Variants in KPNA5 observed in about 807,000 individuals in gnomAD.
KPNA5 encodes the protein karyopherin subunit alpha 5.
KPNA5 carries 46 observed loss-of-function variants against 71.3 expected under a neutral mutation model. That is an observed-to-expected ratio of 0.65 (90% CI 0.51 to 0.83). The LOEUF (loss-of-function observed/expected upper bound fraction) is 0.83, where lower values mean the gene tolerates loss of function less well. Ranked by LOEUF, KPNA5 falls within the 40% of genes least tolerant of loss-of-function variation. The pLI, the probability that KPNA5 is intolerant of heterozygous loss-of-function variation, is 0.00. For synonymous variants in KPNA5, 207 were observed against 201.4 expected (o/e 1.03, Z -0.24); for missense variants, 547 against 628.3 (o/e 0.87, Z 1.38).
intron 5 of KPNA5, 21 bp from the exon 6 acceptor site, chr6:116,701,998 T>G: frequency 1.3e-6 from 2 of 1,598,956 alleles, no homozygotes; most frequent in Middle Eastern, 1.7e-4. Context: ...TTCATTTATT[T>G]TACCTTTTTT....
At chr6:116,714,837 C>G (rs917161194) in intron 7 of KPNA5, among the ~76,000 whole-genome samples, 6 of 152,158 alleles carry the variant, frequency 3.9e-5, no homozygotes, top group African/African-American at 7.2e-5. Context: ...AACCTCCAAA[C>G]AGGTCAAAAC....
At chr6:116,689,189 A>T in intron 1 of KPNA5, 131 bp from the exon 2 acceptor site, 1 of 853,072 alleles carries the variant, frequency 1.2e-6, no homozygotes, top group Non-Finnish European at 1.8e-6. Context: ...TATTCTTTGT[A>T]CATAATTTTC....
rs1221966460 is a variant in KPNA5, at chr6:116,692,149, T to C, written c.233T>C (p.Ile78Thr). 6.3e-7 allele frequency: 1 copy of C among 1,597,850 alleles called. No individual in the cohort carries two copies. The highest frequency in any genetic ancestry group is 8.6e-7 in the Non-Finnish European group (1 of 1,167,058). ...QDPDISSTVPIPEEEVVTTDM... is the reference protein window; with the variant it reads ...QDPDISSTVPTPEEEVVTTDM... ...CCAGATATTAGTTCCACTGTACCCA[T>C]TCCAGAGGTATACTTTACCAAAATA... is the stretch of plus-strand genomic sequence containing the variant. The change falls in exon 3 of 14, where the codon ATT (isoleucine) becomes ACT (threonine). Residue 78 changes from isoleucine (I) to threonine (T), a missense_variant. Transcript: ENST00000368564.
chr6:116,707,047 C>T (rs971096067), intron 7 of KPNA5, among the ~76,000 whole-genome samples: 2 of 151,840 alleles, frequency 1.3e-5, no homozygotes, highest in South Asian at 4.2e-4. Flanking sequence ...GCCTGTAGTC[C>T]CAGCTACTCG....
rs1777700460 is a variant in KPNA5 at position 116,689,252 on chromosome 6, TTAAG to T, written c.5-66_5-63del. 4.6e-6 allele frequency: 7 copies of T among 1,517,102 alleles called. No homozygotes were observed. In the Admixed American group the frequency reaches 1.2e-4, roughly 25 times the overall value. The allele number at this position is 1,517,102 out of a possible 1,614,324, so 94.0% of individuals were successfully genotyped here. On this transcript the variant is annotated intron_variant, in intron 1 of 13. Transcript: ENST00000368564. ...AGTGAGCCTGAATTTAGTTGCTAGA[TTAAG>T]TGTCTCATGTTGTTTTGAGAGAGTG...
intron 12 of KPNA5, 74 bp from the exon 13 acceptor site, chr6:116,729,489 C>T: frequency 1.1e-6 from 1 of 928,438 alleles, no homozygotes; most frequent in Non-Finnish European, 1.5e-6. Flanking sequence ...ATTTTTGTGT[C>T]ATTGTTACAA....
chr6:116,710,829 A>G (rs1468293406), intron 7 of KPNA5, among the ~76,000 whole-genome samples: 1 of 143,492 alleles, frequency 7.0e-6, no homozygotes, highest in Non-Finnish European at 1.5e-5. Flanking sequence ...TGAAGTGCTG[A>G]TAGTAATGTC....
chr6:116,729,485 G>A (rs1016134847), intron 12 of KPNA5, 78 bp from the exon 13 acceptor site: 1 of 865,342 alleles, frequency 1.2e-6, no homozygotes, highest in Non-Finnish European at 1.6e-6. Context: ...AAATATTTTT[G>A]TGTCATTGTT....
intron 13 of KPNA5, among the ~76,000 whole-genome samples, 169 bp downstream of exon 13, chr6:116,729,910 CT>C (rs1165957165): frequency 2.6e-5 from 4 of 151,164 alleles, no homozygotes; most frequent in Admixed American, 6.6e-5. Flanking sequence ...TATTATTTAC[CT>C]TTTTTTAACA....
intron 7 of KPNA5, among the ~76,000 whole-genome samples, chr6:116,706,655 C>T (rs1035240232): frequency 6.6e-6 from 1 of 152,008 alleles, no homozygotes; most frequent in African/African-American, 2.4e-5. Context: ...TGCCATTGCA[C>T]TCCAGCCTGG....
rs1448003450 is a variant in KPNA5, at chr6:116,740,127, C to A, written c.*7804C>A. On this transcript the variant is annotated 3_prime_UTR_variant, in exon 14 of 14. Coordinates refer to ENST00000368564, the MANE Select transcript of KPNA5 (RefSeq NM_001366306.2). ...ACAAAGGGCTAATATCCAGAATCTA[C>A]AATGAACTCAAACAAATTTACAAGA... is the stretch of plus-strand genomic sequence containing the variant. 6.6e-6 allele frequency: 1 copy of A among 151,876 alleles called. No homozygotes were observed. The highest frequency in any genetic ancestry group is 6.6e-5 in the Admixed American group (1 of 15,244). The allele number at this position is 151,876 out of a possible 1,614,324, so 9.4% of individuals were successfully genotyped here.
chr6:116,722,022 T>C (rs1431851261), intron 8 of KPNA5, 104 bp from the exon 9 acceptor site: 1 of 808,220 alleles, frequency 1.2e-6, no homozygotes, highest in Non-Finnish European at 1.8e-6. Flanking sequence ...TCTGGTATTT[T>C]TATAACATTA....
chr6:116,721,984 GA>G, intron 8 of KPNA5, 141 bp from the exon 9 acceptor site: 2 of 540,874 alleles, frequency 3.7e-6, no homozygotes, highest in Non-Finnish European at 6.1e-6. Flanking sequence ...TCATACATCT[GA>G]TTATAATTTT....
rs1777644757 is a variant in KPNA5, at chr6:116,687,709, C to A, written c.5-1611C>A. Reference sequence around the variant, plus strand: ...AAAAACCATGGAGTCATCCTCAACTCCCTTTTCTTCCTCACCAGATATCTG... The same window carrying A: ...AAAAACCATGGAGTCATCCTCAACTACCTTTTCTTCCTCACCAGATATCTG... On this transcript the variant is annotated intron_variant, in intron 1 of 13. Coordinates refer to ENST00000368564, the MANE Select transcript of KPNA5 (RefSeq NM_001366306.2). Among the ~76,000 whole-genome samples, 3 of 152,128 alleles carry A rather than the reference C, an allele frequency of 2.0e-5. No homozygotes were observed. In the South Asian group the frequency reaches 6.2e-4, roughly 32 times the overall value.
chr6:116,718,807 G>A (rs1477735545), intron 8 of KPNA5, among the ~76,000 whole-genome samples: 8 of 146,062 alleles, frequency 5.5e-5, no homozygotes, highest in African/African-American at 1.3e-4. Flanking sequence ...TCACTCTGTC[G>A]CCCAGGCTGG....
chr6:116,718,293 C>G (rs1300696507), intron 8 of KPNA5, among the ~76,000 whole-genome samples: 6 of 140,226 alleles, frequency 4.3e-5, no homozygotes, highest in African/African-American at 1.3e-4. Flanking sequence ...GATGGAGTCT[C>G]GCTCTGTCAC....
In KPNA5 at chr6:116,704,945, C is replaced by G. The variant is rs1778380910; in HGVS notation, c.568-127C>G. 36 of 609,870 alleles carry G rather than the reference C, an allele frequency of 5.9e-5. 1 individual carries two copies. The South Asian group carries it at 7.9e-4, about 13-fold the overall frequency. 37.8% of individuals were successfully genotyped at this position (609,870 alleles called of 1,614,324 possible). ...ATTAAATTGAATTTTAAAAGTTTTTCTTTTCTACTGTTTTTTTTTAACATA... is the reference window on the plus strand; with the variant it reads ...ATTAAATTGAATTTTAAAAGTTTTTGTTTTCTACTGTTTTTTTTTAACATA... On this transcript the variant is annotated intron_variant, in intron 6 of 13. Transcript: ENST00000368564.
chr6:116,701,801 T>G (rs1778239963), intron 5 of KPNA5, among the ~76,000 whole-genome samples: 1 of 152,338 alleles, frequency 6.6e-6, no homozygotes, highest in South Asian at 2.1e-4. Context: ...TTCTTATTTT[T>G]CCATATTAAA....
At position 116,722,307 on chromosome 6, in the gene KPNA5, A is replaced by C. The variant is rs761760497; in HGVS notation, c.920+18A>C. 2 of 1,572,486 alleles carry C rather than the reference A, an allele frequency of 1.3e-6. No homozygotes were observed. The highest frequency in any genetic ancestry group is 2.7e-5 in the African/African-American group (2 of 73,608). On this transcript the variant is annotated intron_variant, in intron 9 of 13. Transcript: ENST00000368564. ...CTTTTGATGTAACTATAAATAATTT[A>C]TGCTTAATAATTGTATGATTGAGAT...
Sources: gnomAD v4.1 joint callset for allele counts (sites outside exome capture counted in the v4.1 genomes callset) on GRCh38, gnomAD v4.1.1 for gene constraint, MANE v1.5 for transcripts, NCBI Gene and HGNC (gene_info 2026-07-23, HGNC 2026-07-21) for gene names.